Variants in ASIC2 observed in about 807,000 individuals in gnomAD.
ASIC2 encodes the protein acid sensing ion channel subunit 2.
A neutral mutation model predicts 57.3 loss-of-function variants in ASIC2; 25 were observed. The ratio of observed to expected loss-of-function variants is 0.44; its 90% CI spans 0.32 to 0.61. The LOEUF (loss-of-function observed/expected upper bound fraction) is 0.61, where lower values mean the gene tolerates loss of function less well. Among genes scored for constraint, ASIC2 ranks in the 20% least tolerant of loss-of-function variants. ASIC2 has a pLI of 0.06. For missense variants in ASIC2, 641 were observed against 738.1 expected, an observed-to-expected ratio of 0.87 and a Z score of 1.52; for synonymous variants, 319 against 307.5, an observed-to-expected ratio of 1.04 and a Z score of -0.39.
chr17:33,145,481 G>T (rs778122605), intron 1 of ASIC2, among the ~76,000 whole-genome samples: 1 of 152,210 alleles, frequency 6.6e-6, no homozygotes, highest in Non-Finnish European at 1.5e-5. Flanking sequence ...CAGCCCTAGA[G>T]GGTGGCAATG....
chr17:33,473,407 C>T (rs1293677639), intron 1 of ASIC2, among the ~76,000 whole-genome samples: 1 of 152,202 alleles, frequency 6.6e-6, no homozygotes. Context: ...GATCAGACCC[C>T]AGGTACTCTG....
intron 1 of ASIC2, among the ~76,000 whole-genome samples, chr17:33,476,548 TG>T (rs1913234487): frequency 3.1e-5 from 1 of 31,876 alleles, no homozygotes; most frequent in African/African-American, 2.4e-4. Flanking sequence ...TACAGGGGTG[TG>T]TGTGTGTGTG....
At chr17:33,516,405 TGA>T (rs1446627778) in intron 1 of ASIC2, among the ~76,000 whole-genome samples, 3 of 101,728 alleles carry the variant, frequency 2.9e-5, no homozygotes, top group Non-Finnish European at 7.3e-5. Context: ...TTTGTGAGTG[TGA>T]GTGTGTGTGT....
At chr17:33,560,297 G>A (rs530304410) in intron 1 of ASIC2, among the ~76,000 whole-genome samples, 5 of 152,188 alleles carry the variant, frequency 3.3e-5, no homozygotes, top group Non-Finnish European at 7.3e-5. Flanking sequence ...TGATGTTGAC[G>A]TCCTCCCTGA....
At chr17:33,741,646 T>A (rs571425169) in intron 1 of ASIC2, among the ~76,000 whole-genome samples, 1 of 152,318 alleles carries the variant, frequency 6.6e-6, no homozygotes, top group South Asian at 2.1e-4. Flanking sequence ...GTCAGAGTTA[T>A]CCATCTCAGC....
chr17:33,961,842 G>A (rs1904933759), intron 1 of ASIC2, among the ~76,000 whole-genome samples: 1 of 152,162 alleles, frequency 6.6e-6, no homozygotes. Context: ...CTCCACAGTT[G>A]CTTTCCAACC....
intron 1 of ASIC2, among the ~76,000 whole-genome samples, chr17:33,754,179 C>G (rs1910519105): frequency 6.6e-6 from 1 of 152,100 alleles, no homozygotes; most frequent in African/African-American, 2.4e-5. Context: ...CTTGCATGTC[C>G]CTCCCCTCTT....
chr17:33,665,365 G>A (rs1052998872), intron 1 of ASIC2, among the ~76,000 whole-genome samples: 10 of 152,168 alleles, frequency 6.6e-5, no homozygotes, highest in African/African-American at 2.4e-4. Flanking sequence ...GTGATGTAAA[G>A]CCACAGAGAC....
At chr17:33,881,645 A>T (rs2141940263) in intron 1 of ASIC2, among the ~76,000 whole-genome samples, 1 of 152,330 alleles carries the variant, frequency 6.6e-6, no homozygotes, top group South Asian at 2.1e-4. Context: ...TTCCATGCTC[A>T]TGGGTAGGAA....
chr17:33,709,060 A>C (rs1403937510), intron 1 of ASIC2, among the ~76,000 whole-genome samples: 2 of 152,172 alleles, frequency 1.3e-5, no homozygotes, highest in African/African-American at 4.8e-5. Flanking sequence ...CTGTTTTTTG[A>C]ACAACACATT....
intron 1 of ASIC2, among the ~76,000 whole-genome samples, chr17:33,643,089 T>G (rs573054394): frequency 6.6e-6 from 1 of 152,334 alleles, no homozygotes; most frequent in South Asian, 2.1e-4. Flanking sequence ...AAATACATAT[T>G]GCAGTGACCC....
At chr17:33,764,752 T>C (rs1910885986) in intron 1 of ASIC2, among the ~76,000 whole-genome samples, 1 of 152,230 alleles carries the variant, frequency 6.6e-6, no homozygotes, top group African/African-American at 2.4e-5. Context: ...AGGCCCCATC[T>C]GTCAATACTG....
intron 1 of ASIC2, among the ~76,000 whole-genome samples, chr17:33,742,264 C>T (rs933904801): frequency 6.6e-6 from 1 of 152,220 alleles, no homozygotes; most frequent in Non-Finnish European, 1.5e-5. Flanking sequence ...ACTCTTGCAG[C>T]CCCCTACTGT....
intron 1 of ASIC2, among the ~76,000 whole-genome samples, chr17:33,759,942 G>A (rs1326234135): frequency 1.3e-5 from 2 of 152,268 alleles, no homozygotes; most frequent in South Asian, 2.1e-4. Context: ...GTAATGCCTA[G>A]TGGAGCCATG....
chr17:34,011,242 C>T (rs1054356719), intron 1 of ASIC2, among the ~76,000 whole-genome samples: 16 of 152,194 alleles, frequency 1.1e-4, no homozygotes, highest in East Asian at 9.7e-4. Context: ...GAAACAGAAA[C>T]GCAGCCACAC....
At chr17:33,940,272 A>G (rs1279255744) in intron 1 of ASIC2, among the ~76,000 whole-genome samples, 1 of 152,160 alleles carries the variant, frequency 6.6e-6, no homozygotes, top group Non-Finnish European at 1.5e-5. Flanking sequence ...CATGATTTCT[A>G]TGGTAATCTT....
chr17:33,727,430 G>C (rs1032887109), intron 1 of ASIC2, among the ~76,000 whole-genome samples: 3 of 152,168 alleles, frequency 2.0e-5, no homozygotes, highest in African/African-American at 7.2e-5. Context: ...GATATGGCTT[G>C]GATCTGTGTC....
chr17:34,096,280 A>G (rs1159247334), intron 1 of ASIC2, among the ~76,000 whole-genome samples: 1 of 152,202 alleles, frequency 6.6e-6, no homozygotes, highest in Non-Finnish European at 1.5e-5. Context: ...AAGGAGGAGA[A>G]GACTGGAGGA....
At chr17:33,149,236 C>T (rs61187624) in intron 1 of ASIC2, among the ~76,000 whole-genome samples, 3,537 of 152,092 alleles carry the variant, frequency 0.023, 145 homozygotes, top group African/African-American at 0.081. Flanking sequence ...TATTGTAATC[C>T]CAACACATAG....
Sources: gnomAD v4.1 joint callset for allele counts (sites outside exome capture counted in the v4.1 genomes callset) on GRCh38, gnomAD v4.1.1 for gene constraint, MANE v1.5 for transcripts, NCBI Gene and HGNC (gene_info 2026-07-23, HGNC 2026-07-21) for gene names.